The following TMEM117 variants were observed in gnomAD, a reference collection of about 807,000 sequenced individuals.
The protein encoded by TMEM117 is transmembrane protein 117.
TMEM117 carries 27 observed loss-of-function variants against 52.4 expected under a neutral mutation model. That is an observed-to-expected ratio of 0.51 (90% CI 0.38 to 0.71). The LOEUF (loss-of-function observed/expected upper bound fraction) is 0.71, where lower values mean the gene tolerates loss of function less well. Ranked by LOEUF, TMEM117 falls within the 30% of genes least tolerant of loss-of-function variation. The probability of loss-of-function intolerance (pLI) is 0.00; values close to 1 mark genes in which losing one functional copy is unlikely to be tolerated. For missense variants in TMEM117, 556 were observed against 630.5 expected (o/e 0.88, Z 1.26); for synonymous variants, 215 against 206.3 (o/e 1.04, Z -0.36).
chr12:43,948,805 T>A (rs774727420), intron 3 of TMEM117, among the ~76,000 whole-genome samples: 57 of 152,068 alleles, frequency 3.7e-4, no homozygotes, highest in Non-Finnish European at 1.8e-4. Flanking sequence ...TCCTTTAAAA[T>A]GCATAGCTGA....
chr12:44,072,502 A>G (rs1947317523), intron 3 of TMEM117, among the ~76,000 whole-genome samples: 1 of 152,152 alleles, frequency 6.6e-6, no homozygotes, highest in African/African-American at 2.4e-5. Flanking sequence ...CTGTCTGGCC[A>G]GACACACTAA....
At chr12:43,956,638 TA>T (rs1326410530) in intron 3 of TMEM117, among the ~76,000 whole-genome samples, 1 of 151,948 alleles carries the variant, frequency 6.6e-6, no homozygotes, top group African/African-American at 2.4e-5. Flanking sequence ...TGGCAGTTAT[TA>T]AAAAGTCAGG....
chr12:44,004,696 C>T (rs541501005), intron 3 of TMEM117, among the ~76,000 whole-genome samples: 1 of 152,202 alleles, frequency 6.6e-6, no homozygotes, highest in South Asian at 2.1e-4. Context: ...CTTGAGGATG[C>T]ACCTAAGAGC....
intron 6 of TMEM117, among the ~76,000 whole-genome samples, chr12:44,323,024 A>G (rs1951152668): frequency 6.6e-6 from 1 of 152,202 alleles, no homozygotes; most frequent in African/African-American, 2.4e-5. Flanking sequence ...AGGGAAGCAG[A>G]AGACAACCAG....
chr12:44,016,724 A>G (rs1053654262), intron 3 of TMEM117, among the ~76,000 whole-genome samples: 6 of 152,178 alleles, frequency 3.9e-5, no homozygotes, highest in Non-Finnish European at 5.9e-5. Flanking sequence ...GCAGAGGTCA[A>G]TGGTGAACAG....
intron 4 of TMEM117, among the ~76,000 whole-genome samples, chr12:44,175,393 G>A (rs921714120): frequency 1.6e-4 from 24 of 152,296 alleles, no homozygotes; most frequent in African/African-American, 5.5e-4. Flanking sequence ...GAGTGAGGGA[G>A]CACTAGAAGA....
Position 44,135,601 on chromosome 12 carries a change from G to T in TMEM117, c.411-7924G>T, listed in dbSNP as rs574324118. Among the ~76,000 whole-genome samples the T allele has an allele frequency of 5.9e-5, 9 of 152,200 alleles. No homozygotes were observed. The South Asian group carries it at 1.9e-3, about 32-fold the overall frequency. The stretch of plus-strand genomic sequence containing the variant: ...GCTACAGGGAAGAGAAAAAGAGGTG[G>T]TTGAATTCATATCCAGAGGAAGATG... On this transcript the variant is annotated intron_variant, in intron 3 of 7. Coordinates refer to ENST00000266534, the MANE Select transcript of TMEM117 (RefSeq NM_032256.3).
intron 2 of TMEM117, among the ~76,000 whole-genome samples, chr12:43,888,043 G>A (rs56024677): frequency 0.066 from 10,018 of 152,212 alleles, 386 homozygotes; most frequent in Middle Eastern, 0.14. Flanking sequence ...GAGAAGTAAA[G>A]CAAAAGAGAT....
chr12:44,356,831 C>T (rs1193327499), intron 6 of TMEM117, among the ~76,000 whole-genome samples: 1 of 152,136 alleles, frequency 6.6e-6, no homozygotes, highest in Non-Finnish European at 1.5e-5. Flanking sequence ...TTTGCAATAG[C>T]TTCTTAACAC....
At chr12:43,842,711 A>G (rs1230074891) in intron 1 of TMEM117, among the ~76,000 whole-genome samples, 1 of 147,738 alleles carries the variant, frequency 6.8e-6, no homozygotes, top group Non-Finnish European at 1.5e-5. Context: ...TTTATAAAGG[A>G]TTCTTTCTCA....
intron 6 of TMEM117, among the ~76,000 whole-genome samples, chr12:44,307,734 A>G (rs552379788): frequency 6.6e-6 from 1 of 152,348 alleles, no homozygotes; most frequent in African/African-American, 2.4e-5. Context: ...TAGTAGACAG[A>G]CTTAACACGG....
chr12:44,074,495 TA>T (rs1947351086), intron 3 of TMEM117, among the ~76,000 whole-genome samples: 1 of 152,142 alleles, frequency 6.6e-6, no homozygotes, highest in South Asian at 2.1e-4. Flanking sequence ...AATGAATAAA[TA>T]AAAGTTAATA....
chr12:43,981,460 A>G (rs1014906400), intron 3 of TMEM117, among the ~76,000 whole-genome samples: 3 of 152,212 alleles, frequency 2.0e-5, no homozygotes, highest in African/African-American at 7.2e-5. Context: ...AATATAAGCA[A>G]TAACTTTTTA....
intron 3 of TMEM117, among the ~76,000 whole-genome samples, chr12:43,989,110 A>C (rs968002341): frequency 1.3e-5 from 2 of 152,148 alleles, no homozygotes; most frequent in African/African-American, 4.8e-5. Context: ...TGAGGCATTT[A>C]CTGACTCTTC....
intron 5 of TMEM117, among the ~76,000 whole-genome samples, chr12:44,211,926 G>A (rs1949650841): frequency 6.6e-6 from 1 of 152,182 alleles, no homozygotes; most frequent in African/African-American, 2.4e-5. Flanking sequence ...ACGTGAACAA[G>A]TTCAAACAGA....
the TMEM117 span, among the ~76,000 whole-genome samples, chr12:43,801,758 A>G: frequency 6.6e-6 from 1 of 152,170 alleles, no homozygotes; most frequent in African/African-American, 2.4e-5. Flanking sequence ...GGTTGGACAC[A>G]GTGGCTCATA....
At chr12:44,071,253 T>C (rs1947297457) in intron 3 of TMEM117, among the ~76,000 whole-genome samples, 1 of 152,148 alleles carries the variant, frequency 6.6e-6, no homozygotes, top group Non-Finnish European at 1.5e-5. Flanking sequence ...CCTGAGTGGA[T>C]GCAGCTGGGA....
intron 4 of TMEM117, among the ~76,000 whole-genome samples, chr12:44,195,188 A>T (rs1949402459): frequency 6.6e-6 from 1 of 152,140 alleles, no homozygotes. Flanking sequence ...GCCAGGAAAA[A>T]CCTGATTCCC....
intron 3 of TMEM117, among the ~76,000 whole-genome samples, chr12:43,971,008 A>G (rs1015848976): frequency 1.3e-5 from 2 of 151,680 alleles, no homozygotes; most frequent in African/African-American, 4.9e-5. Context: ...CTCTCACCCT[A>G]CCCTTGCCAC....
Sources: gnomAD v4.1 joint callset for allele counts (sites outside exome capture counted in the v4.1 genomes callset) on GRCh38, gnomAD v4.1.1 for gene constraint, MANE v1.5 for transcripts, NCBI Gene and HGNC (gene_info 2026-07-23, HGNC 2026-07-21) for gene names.